USP20: variants seen among roughly 807,000 people sequenced by gnomAD.
USP20 encodes ubiquitin specific peptidase 20.
In USP20, 80 loss-of-function variants were observed where a neutral mutation model predicts 124.2. That is an observed-to-expected ratio of 0.64 (90% confidence interval 0.54 to 0.78). USP20 has a LOEUF of 0.78. USP20 is among the 30% of genes least tolerant of loss of function. USP20 has a pLI of 0.00. For missense variants in USP20, 1,043 were observed against 1,244.4 expected (o/e 0.84, Z 2.44); for synonymous variants, 481 against 512.3 (o/e 0.94, Z 0.83).
At chr9:129,835,875 T>C (rs1367274164) in intron 1 of USP20, 1 of 152,284 alleles carries the variant, frequency 6.6e-6, no homozygotes, top group East Asian at 1.9e-4. Flanking sequence ...TGCGTTTTTT[T>C]CTTTCGGAAC....
chr9:129,845,814 C>CA (rs2032506668), intron 1 of USP20, among the ~76,000 whole-genome samples: 1 of 152,196 alleles, frequency 6.6e-6, no homozygotes, highest in African/African-American at 2.4e-5. Flanking sequence ...AAATAAAAAT[C>CA]ACTTGACTCT....
chr9:129,839,417 G>A lies in USP20; in HGVS notation c.-129+3918G>A, dbSNP rs1225517382. Among the ~76,000 whole-genome samples the A allele has an allele frequency of 6.6e-6, 1 of 152,166 alleles. No homozygotes were observed. The highest frequency in any genetic ancestry group is 2.1e-4 in the South Asian group (1 of 4,834). On this transcript the variant is annotated intron_variant, in intron 1 of 25. Transcript: ENST00000372429. The surrounding 1 kb of genome is among the most constrained non-coding windows in gnomAD (Gnocchi z 4.5). ...TGGGCAGCAGAGACTGTGGAAGTGT[G>A]GAGGCATGGGGAGGCCTGAGGGCTC...
intron 3 of USP20, among the ~76,000 whole-genome samples, chr9:129,855,800 C>T (rs17438727): frequency 0.067 from 10,222 of 152,220 alleles, 437 homozygotes; most frequent in Middle Eastern, 0.14. Flanking sequence ...CAGGCTTTGA[C>T]GCCCAGACCG....
In USP20 at chr9:129,869,715, T is replaced by A. The variant is rs768486025; in HGVS notation, c.1436T>A (p.Ile479Asn). Residue 479 changes from isoleucine to asparagine, a missense_variant, in exon 14 of 26, where the codon ATT (isoleucine) becomes AAT (asparagine). Ile to Asn is a moderately radical substitution (Grantham distance 149). Coordinates refer to ENST00000372429, the MANE Select transcript of USP20 (RefSeq NM_001110303.4). ...ACGTTCCAGGACTTATCACTGCCCATTCCTGGAAAGGAGGACCTGGCCAAG... is the reference window on the plus strand; with the variant it reads ...ACGTTCCAGGACTTATCACTGCCCAATCCTGGAAAGGAGGACCTGGCCAAG... ...VETFQDLSLPIPGKEDLAKLH... is the reference protein window; with the variant it reads ...VETFQDLSLPNPGKEDLAKLH... 3 of 1,614,102 alleles carry A rather than the reference T, an allele frequency of 1.9e-6. No homozygotes were observed. The highest frequency in any genetic ancestry group is 2.5e-6 in the Non-Finnish European group (3 of 1,180,024).
chr9:129,861,239 C>T (rs1022111216), intron 7 of USP20, among the ~76,000 whole-genome samples: 1 of 152,210 alleles, frequency 6.6e-6, no homozygotes, highest in Non-Finnish European at 1.5e-5. Context: ...CTATCTTGTC[C>T]CCTCTCCCAG....
At position 129,873,624 on chromosome 9, in the gene USP20, G is replaced by A. The variant is rs538199593; in HGVS notation, c.1695-75G>A. The A allele has an allele frequency of 1.9e-5, 31 of 1,613,458 alleles. No individual in the cohort carries two copies. The African/African-American group carries it at 3.9e-4, about 20-fold the overall frequency. ...TATAATCCTGCCTTCCCAGAAGGGA[G>A]CCGGGTGGAGGGCTGCTTCCCTGGC... On this transcript the variant is annotated intron_variant, in intron 16 of 25. Coordinates refer to ENST00000372429, the MANE Select transcript of USP20 (RefSeq NM_001110303.4).
In USP20 at chr9:129,870,427, C is replaced by A. The variant is rs942728966; in HGVS notation, c.1566-26C>A. Reference sequence around the variant, plus strand: ...TGTTCTTGCCCAGGCCCTGGCAGCACCCCTGCACTCCTTTTCTGTCTGTAG... The same window carrying A: ...TGTTCTTGCCCAGGCCCTGGCAGCAACCCTGCACTCCTTTTCTGTCTGTAG... On this transcript the variant is annotated intron_variant, in intron 14 of 25. Coordinates refer to ENST00000372429, the MANE Select transcript of USP20 (RefSeq NM_001110303.4). 1.9e-6 allele frequency: 3 copies of A among 1,611,052 alleles called. No homozygotes were observed. In the African/African-American group the frequency reaches 4.0e-5, roughly 22 times the overall value.
chr9:129,847,144 G>T (rs1008648174), intron 1 of USP20, among the ~76,000 whole-genome samples: 2 of 152,100 alleles, frequency 1.3e-5, no homozygotes, highest in African/African-American at 4.8e-5. Flanking sequence ...GTGCATTTGG[G>T]TGTATACCCA....
At chr9:129,853,915 T>C (rs1256613441) in intron 3 of USP20, among the ~76,000 whole-genome samples, 2 of 152,148 alleles carry the variant, frequency 1.3e-5, no homozygotes, top group Admixed American at 6.6e-5. Flanking sequence ...TCTGGGGCTG[T>C]GTGTCAGAGA....
rs201958872 is a variant in USP20, at chr9:129,868,438, G to T, written c.1124G>T (p.Cys375Phe). 7.6e-5 allele frequency: 122 copies of T among 1,610,230 alleles called. No homozygotes were observed. In the African/African-American group the frequency reaches 1.5e-3, roughly 20 times the overall value. Residue 375 changes from cysteine (C) to phenylalanine (F), a missense_variant, in exon 11 of 26, where the codon TGC becomes TTC. Physicochemically the swap from Cys to Phe is radical, Grantham distance 205. Coordinates refer to ENST00000372429, the MANE Select transcript of USP20 (RefSeq NM_001110303.4). ...QPPSPRSSSP[C>F]RTPEPDNDAH... ...CCGTCACCACGGTCCTCCAGCCCCT[G>T]CCGGACGCCAGGTATCAGCTGGCCG...
chr9:129,864,875 G>A (rs1198827921), intron 9 of USP20, among the ~76,000 whole-genome samples: 1 of 151,764 alleles, frequency 6.6e-6, no homozygotes, highest in South Asian at 2.1e-4. Flanking sequence ...ATATGCATCT[G>A]TAGTTTCACA....
chr9:129,861,985 AG>A (rs2131069787), intron 8 of USP20, among the ~76,000 whole-genome samples: 1 of 152,296 alleles, frequency 6.6e-6, no homozygotes, highest in African/African-American at 2.4e-5. Context: ...TGGGGGAAAA[AG>A]GAGGTTATAA....
rs780211905 is a variant in USP20 at position 129,875,332 on chromosome 9, C to A, written c.2071C>A (p.Arg691=). ...CAGGAAGAGCAGCGAGGAGGCCATG[C>A]GGGAGCGACAGCAGGTGGTGTCCCT... ...FYRKSSEEAM[R]ERQQVVSLAA... The change falls in exon 20 of 26, where the codon CGG becomes AGG. Residue 691 remains arginine, a synonymous_variant. Coordinates refer to ENST00000372429, the MANE Select transcript of USP20 (RefSeq NM_001110303.4). The A allele has an allele frequency of 6.2e-7, 1 of 1,610,560 alleles. No individual in the cohort carries two copies. The highest frequency in any genetic ancestry group is 1.3e-5 in the African/African-American group (1 of 74,914).
At chr9:129,845,863 TA>T (rs1265207592) in intron 1 of USP20, among the ~76,000 whole-genome samples, 1 of 152,212 alleles carries the variant, frequency 6.6e-6, no homozygotes, top group East Asian at 1.9e-4. Flanking sequence ...TCTCTAGGCC[TA>T]AAACACATTA....
In USP20 at chr9:129,880,201, T is replaced by C. The variant is rs1420634567; in HGVS notation, c.2673T>C (p.Ser891=). ...GGGPEIAIRQ[S]VAQPLGPENL... is the part of the protein sequence containing the mutation. ...GCCCCGAGATTGCCATCCGCCAGAGTGTGGCGCAGCCGCTGGGCCCAGAGA... is the reference window on the plus strand; with the variant it reads ...GCCCCGAGATTGCCATCCGCCAGAGCGTGGCGCAGCCGCTGGGCCCAGAGA... Residue 891 remains serine, a synonymous_variant, in exon 25 of 26, where the codon AGT becomes AGC. Coordinates refer to ENST00000372429, the MANE Select transcript of USP20 (RefSeq NM_001110303.4). 1.2e-6 allele frequency: 2 copies of C among 1,613,172 alleles called. No individual in the cohort carries two copies. Among genetic ancestry groups the C allele is most frequent in the Non-Finnish European group, 1.7e-6 (2 of 1,179,896 alleles).
At chr9:129,845,342 A>C (rs145393396) in intron 1 of USP20, among the ~76,000 whole-genome samples, 1 of 151,816 alleles carries the variant, frequency 6.6e-6, no homozygotes, top group East Asian at 1.9e-4. Context: ...CCAGATGCAC[A>C]CTCTTCTTAT....
chr9:129,871,180 C>T (rs1042668858), intron 15 of USP20, among the ~76,000 whole-genome samples: 3 of 152,160 alleles, frequency 2.0e-5, no homozygotes, highest in African/African-American at 7.2e-5. Context: ...CAGCTCCCTA[C>T]TCCCACCTCC....
chr9:129,850,782 A>G (rs1427658391), intron 2 of USP20, among the ~76,000 whole-genome samples: 1 of 152,002 alleles, frequency 6.6e-6, no homozygotes, highest in African/African-American at 2.4e-5. Flanking sequence ...CAGCCTCCTG[A>G]GTAGCTGGGA....
intron 17 of USP20, 80 bp downstream of exon 17, chr9:129,873,824 G>C: frequency 1.3e-6 from 2 of 1,528,156 alleles, no homozygotes; most frequent in Non-Finnish European, 1.8e-6. Flanking sequence ...GGCTGAGCCT[G>C]CTCCACTGCT....
Sources: gnomAD v4.1 joint callset for allele counts (sites outside exome capture counted in the v4.1 genomes callset) on GRCh38, gnomAD v4.1.1 for gene constraint, Gnocchi (gnomAD v3.1) non-coding constraint, MANE v1.5 for transcripts, NCBI Gene and HGNC (gene_info 2026-07-23, HGNC 2026-07-21) for gene names.